Variants in ERICH1 observed in about 807,000 individuals in gnomAD.
ERICH1 encodes the protein glutamate rich 1.
Under a neutral mutation model 39.6 loss-of-function variants are expected in ERICH1, and 56 were observed. The ratio of observed to expected loss-of-function variants is 1.41; its 90% CI spans 1.14 to 1.77. The LOEUF is 1.77. Among genes scored for constraint, ERICH1 ranks in the 40% most tolerant of loss-of-function variants. The pLI, the probability that ERICH1 is intolerant of heterozygous loss-of-function variation, is 0.00. For synonymous variants in ERICH1, 313 were observed against 223.6 expected, an observed-to-expected ratio of 1.40 and a Z score of -3.57; for missense variants, 826 against 575.4, an observed-to-expected ratio of 1.44 and a Z score of -4.45.
intron 3 of ERICH1, among the ~76,000 whole-genome samples, chr8:616,952 GACAGAGACACAC>G (rs1433413628): frequency 6.2e-5 from 2 of 32,032 alleles, no homozygotes; most frequent in African/African-American, 5.1e-4. Context: ...GGGAGAGGGA[GACAGAGACACAC>G]AGAGAGAGAG....
At chr8:677,185 A>T (rs1481041109) in intron 3 of ERICH1, among the ~76,000 whole-genome samples, 4 of 152,186 alleles carry the variant, frequency 2.6e-5, no homozygotes, top group Admixed American at 2.6e-4. Flanking sequence ...TGACTCGATA[A>T]AGCAGTCGCA....
chr8:639,957 A>G (rs1326891168), intron 3 of ERICH1, among the ~76,000 whole-genome samples: 1 of 152,174 alleles, frequency 6.6e-6, no homozygotes, highest in East Asian at 1.9e-4. Flanking sequence ...TAAGATTCTC[A>G]AGAGACAAAG....
rs1801897463 is a variant in ERICH1, at chr8:664,546, A to G, written c.*57T>C. On this transcript the variant is annotated 3_prime_UTR_variant, in exon 6 of 6. Coordinates refer to ENST00000262109, the MANE Select transcript of ERICH1 (RefSeq NM_207332.3). ...AGAACTAACTCTAAGCCCATCTCAC[A>G]TTTGTCTTTTAAGTTTTTTTGTTAA... 6 of 1,570,796 alleles carry G rather than the reference A, an allele frequency of 3.8e-6. No individual in the cohort carries two copies. The highest frequency in any genetic ancestry group is 3.8e-5 in the Admixed American group (2 of 53,186).
chr8:688,641 A>G (rs975561416), intron 3 of ERICH1, among the ~76,000 whole-genome samples: 1 of 152,242 alleles, frequency 6.6e-6, no homozygotes, highest in Non-Finnish European at 1.5e-5. Context: ...TGTAGCTCAG[A>G]AAACAAGCCA....
intron 1 of ERICH1, among the ~76,000 whole-genome samples, chr8:716,343 C>A (rs1352270651): frequency 6.6e-6 from 1 of 152,256 alleles, no homozygotes; most frequent in African/African-American, 2.4e-5. Context: ...GAGGTTCAGG[C>A]ACATGCAGGC....
chr8:619,916 C>T (rs1255428266), intron 3 of ERICH1, among the ~76,000 whole-genome samples: 2 of 151,884 alleles, frequency 1.3e-5, no homozygotes, highest in Non-Finnish European at 2.9e-5. Context: ...ATAAACAATA[C>T]AGTAAAAATG....
chr8:679,904 G>A (rs1234186401), intron 3 of ERICH1, among the ~76,000 whole-genome samples: 1 of 113,084 alleles, frequency 8.8e-6, no homozygotes, highest in East Asian at 3.2e-4. Context: ...GAAGATGCAA[G>A]AGAATCCACA....
At chr8:624,828 G>A (rs1369842105) in intron 3 of ERICH1, among the ~76,000 whole-genome samples, 2 of 152,118 alleles carry the variant, frequency 1.3e-5, no homozygotes, top group East Asian at 1.9e-4. Flanking sequence ...CCGGGTTCAC[G>A]CCATTCTCCT....
At chr8:642,591 G>T (rs573616385) in intron 3 of ERICH1, among the ~76,000 whole-genome samples, 1 of 151,958 alleles carries the variant, frequency 6.6e-6, no homozygotes, top group Non-Finnish European at 1.5e-5. Context: ...TGATCTGCCC[G>T]CCTCGGCCTC....
intron 3 of ERICH1, among the ~76,000 whole-genome samples, chr8:628,495 G>C (rs1304971403): frequency 6.6e-6 from 1 of 152,224 alleles, no homozygotes; most frequent in Non-Finnish European, 1.5e-5. Flanking sequence ...CCAGTCCCCA[G>C]GCAGCTGGCG....
intron 3 of ERICH1, among the ~76,000 whole-genome samples, chr8:682,587 C>A (rs540557704): frequency 6.6e-6 from 1 of 152,320 alleles, no homozygotes; most frequent in South Asian, 2.1e-4. Flanking sequence ...TGTGAGGGAA[C>A]CAGAGGCCGG....
At chr8:668,987 G>A (rs899312025) in intron 4 of ERICH1, 195 bp from the exon 5 acceptor site, 19 of 601,636 alleles carry the variant, frequency 3.2e-5, no homozygotes, top group Admixed American at 9.6e-5. Context: ...AACGACTGTG[G>A]AAACCTGGCC....
chr8:672,799 C>T (rs923167933), intron 4 of ERICH1, among the ~76,000 whole-genome samples: 1 of 152,216 alleles, frequency 6.6e-6, no homozygotes, highest in Non-Finnish European at 1.5e-5. Context: ...GCTGAGAAAT[C>T]GTGCATCCGT....
chr8:727,179 C>T (rs1396689448), intron 1 of ERICH1, among the ~76,000 whole-genome samples: 2 of 152,128 alleles, frequency 1.3e-5, no homozygotes, highest in Admixed American at 6.5e-5. Context: ...ACACCAGACA[C>T]GTGTGCACAA....
rs143811367 is a variant in ERICH1, at chr8:692,534, G to A, written c.248C>T (p.Pro83Leu). The change falls in exon 3 of 6, where the codon CCG becomes CTG. Residue 83 changes from proline to leucine, a missense_variant. Pro to Leu is a moderately conservative substitution (Grantham distance 98). Coordinates refer to ENST00000262109, the MANE Select transcript of ERICH1 (RefSeq NM_207332.3). The part of the protein sequence containing the change: ...GPPEGYVPCW[P>L]EPSSCGSPEN... The stretch of plus-strand genomic sequence containing the variant: ...GGGGCTCCCACAGCTGCTGGGCTCC[G>A]GCCAACAGGGGACGTAGCCCTCAGG... 3.9e-5 allele frequency: 63 copies of A among 1,614,016 alleles called. No homozygotes were observed. The highest frequency in any genetic ancestry group is 1.3e-4 in the African/African-American group (10 of 75,042).
rs562900035 is a variant in ERICH1 at position 646,125 on chromosome 8, CAA to C, written c.976+22471_976+22472del. ...GGCCTTGCAAGATGGCGGCTATCAT[CAA>C]AAGTTATCAAAACTCACTTGCTCCT... On this transcript the variant is annotated intron_variant, in intron 3 of 3. Transcript: ENST00000522706. Among the ~76,000 whole-genome samples, 156 of 69,012 alleles carry C rather than the reference CAA, an allele frequency of 2.3e-3. 56 individuals are homozygous for C. Among genetic ancestry groups the C allele is most frequent in the African/African-American group, 5.5e-3 (150 of 27,446 alleles). 45.3% of individuals were successfully genotyped at this position (69,012 alleles called of 152,430 possible).
downstream of ERICH1, among the ~76,000 whole-genome samples, chr8:662,802 T>A (rs1046997620): frequency 6.6e-6 from 1 of 152,224 alleles, no homozygotes; most frequent in Non-Finnish European, 1.5e-5. Context: ...AGGTTCTTAC[T>A]GTGGGAAGAG....
intron 3 of ERICH1, among the ~76,000 whole-genome samples, chr8:675,038 G>T (rs62487385): frequency 6.8e-6 from 1 of 147,856 alleles, no homozygotes; most frequent in African/African-American, 2.4e-5. Flanking sequence ...GGCTTGAAAC[G>T]GGCGGCTGGG....
intron 3 of ERICH1, among the ~76,000 whole-genome samples, chr8:641,932 A>G (rs1799036316): frequency 1.3e-5 from 2 of 152,226 alleles, no homozygotes; most frequent in Non-Finnish European, 2.9e-5. Flanking sequence ...TCTCAGGTCA[A>G]TAGCTTTTTC....
Sources: gnomAD v4.1 joint callset for allele counts (sites outside exome capture counted in the v4.1 genomes callset) on GRCh38, gnomAD v4.1.1 for gene constraint, MANE v1.5 for transcripts, NCBI Gene and HGNC (gene_info 2026-07-23, HGNC 2026-07-21) for gene names.